Variants in CBX7 observed in about 807,000 individuals in gnomAD.
CBX7 encodes chromobox protein homolog 7.
CBX7 carries 14 observed loss-of-function variants against 31.4 expected under a neutral mutation model. The observed-to-expected ratio is 0.45, with a 90% confidence interval of 0.29 to 0.70. The LOEUF (loss-of-function observed/expected upper bound fraction) is 0.70, where lower values mean the gene tolerates loss of function less well. Among genes scored for constraint, CBX7 ranks in the 30% least tolerant of loss-of-function variants. The pLI, the probability that CBX7 is intolerant of heterozygous loss-of-function variation, is 0.11. For synonymous variants in CBX7, 159 were observed against 152.6 expected, an observed-to-expected ratio of 1.04 and a Z score of -0.31; for missense variants, 269 against 351.9, an observed-to-expected ratio of 0.76 and a Z score of 1.89.
At chr22:39,143,977 T>C (rs929137895) in intron 2 of CBX7, among the ~76,000 whole-genome samples, 8 of 152,260 alleles carry the variant, frequency 5.3e-5, no homozygotes, top group Non-Finnish European at 1.2e-4. Flanking sequence ...CGATGCCCTA[T>C]GGTCCTGGCC....
chr22:39,138,602 G>A lies in CBX7; in HGVS notation c.246+34C>T, dbSNP rs565836537. The A allele has an allele frequency of 2.5e-6, 4 of 1,608,432 alleles. No individual in the cohort carries two copies. The African/African-American group carries it at 5.3e-5, about 21-fold the overall frequency. ...CAGAGGGGGACTTGGGGTTGGGCAG[G>A]GGGAGAAAGGAGGCACAAAGGCAGG... On this transcript the variant is annotated intron_variant, in intron 4 of 5. Coordinates refer to ENST00000216133, the MANE Select transcript of CBX7 (RefSeq NM_175709.5).
Position 39,152,409 on chromosome 22 carries a change from G to T in CBX7, c.36C>A (p.Ala12=). ...CGCGCTTCTTCCGGATGCTCTCCAC[G>T]GCGAACACCTGCTCGCCGATGGCTG... is the stretch of plus-strand genomic sequence containing the variant. ...ELSAIGEQVF[A]VESIRKKRVR... is the part of the protein sequence containing the mutation. The change falls in exon 1 of 6, where the codon GCC becomes GCA. Residue 12 remains alanine (A), a synonymous_variant. Transcript: ENST00000216133. The surrounding 1 kb of genome is among the most constrained non-coding windows in gnomAD (Gnocchi z 4.9). 1.5e-6 allele frequency: 2 copies of T among 1,359,882 alleles called. No individual in the cohort carries two copies. Among genetic ancestry groups the T allele is most frequent in the Non-Finnish European group, 1.9e-6 (2 of 1,048,044 alleles). 84.2% of individuals were successfully genotyped at this position (1,359,882 alleles called of 1,614,324 possible). A position where few individuals can be genotyped will look rare whatever the true frequency, so the allele number is the denominator to read the frequency against.
rs1468113378 is a variant in CBX7 at position 39,134,592 on chromosome 22, G to A, written c.407C>T (p.Pro136Leu). ...CTTTCGGGGCTTGCGGAGCGGGAAG[G>A]GCAGGGTGGGCACCAAGGGGCCCTT... Reference protein sequence around the residue: ...VDKGPLVPTLPFPLRKPRKAH... With the variant: ...VDKGPLVPTLLFPLRKPRKAH... Residue 136 changes from proline (P) to leucine (L), a missense_variant, in exon 5 of 6, where the codon CCC (proline) becomes CTC (leucine). Transcript: ENST00000216133. 1.3e-6 allele frequency: 2 copies of A among 1,592,698 alleles called. No individual in the cohort carries two copies. The highest frequency in any genetic ancestry group is 1.7e-6 in the Non-Finnish European group (2 of 1,170,078).
chr22:39,138,593 G>C (rs747751034), intron 4 of CBX7, 43 bp downstream of exon 4: 127 of 1,594,040 alleles, frequency 8.0e-5, no homozygotes, highest in Middle Eastern at 3.3e-4. Context: ...GGGACTTGGG[G>C]TTGGGCAGGG....
In CBX7 at chr22:39,152,479, C is replaced by T. The variant is rs1930898065; in HGVS notation, c.-35G>A. ...CGGGCGAGCGGGCCCGGGGCCGGGC[C>T]GGGCCGGGGGCGGAGCTGCGGGGCC... On this transcript the variant is annotated 5_prime_UTR_variant, in exon 1 of 6. Coordinates refer to ENST00000216133, the MANE Select transcript of CBX7 (RefSeq NM_175709.5). The surrounding 1 kb of genome is among the most constrained non-coding windows in gnomAD (Gnocchi z 4.9). 2.0e-6 allele frequency: 2 copies of T among 1,003,346 alleles called. No individual in the cohort carries two copies. The highest frequency in any genetic ancestry group is 2.4e-6 in the Non-Finnish European group (2 of 831,260). 62.2% of individuals were successfully genotyped at this position (1,003,346 alleles called of 1,614,324 possible). A position where few individuals can be genotyped will look rare whatever the true frequency, so the allele number is the denominator to read the frequency against.
At chr22:39,151,957 C>T (rs6001455) in intron 1 of CBX7, among the ~76,000 whole-genome samples, 66,738 of 150,684 alleles carry the variant, frequency 0.44, 15,244 homozygotes, top group African/African-American at 0.53. Context: ...GAGACTTTTC[C>T]AAAGCTCCAC....
At chr22:39,138,494 G>C (rs1930335648) in intron 4 of CBX7, 142 bp downstream of exon 4, 5 of 773,030 alleles carry the variant, frequency 6.5e-6, no homozygotes, top group Admixed American at 5.9e-5. Flanking sequence ...ACTTACCCAA[G>C]TGCCCCACCC....
rs188722310 is a variant in CBX7 at position 39,144,643 on chromosome 22, C to G, written c.114-3207G>C. ...CCCCCCGGAAAAGGCTGAATCTCCTCACTCTAACTGGTAGGAAGGGGAATT... is the reference window on the plus strand; with the variant it reads ...CCCCCCGGAAAAGGCTGAATCTCCTGACTCTAACTGGTAGGAAGGGGAATT... On this transcript the variant is annotated intron_variant, in intron 2 of 5. Coordinates refer to ENST00000216133, the MANE Select transcript of CBX7 (RefSeq NM_175709.5). 7.5e-4 allele frequency among the ~76,000 whole-genome samples: 114 copies of G among 152,318 alleles called. 1 individual carries two copies. Among genetic ancestry groups the G allele is most frequent in the South Asian group, 2.7e-3 (13 of 4,800 alleles).
intron 1 of CBX7, among the ~76,000 whole-genome samples, chr22:39,150,311 G>A (rs1315097242): frequency 6.6e-6 from 1 of 152,200 alleles, no homozygotes; most frequent in Non-Finnish European, 1.5e-5. Flanking sequence ...CAGTCTGTGA[G>A]TGGCTGCCTC....
Position 39,134,650 on chromosome 22 carries a change from C to T in CBX7, c.349G>A (p.Val117Met), listed in dbSNP as rs771394229. The T allele has an allele frequency of 8.2e-6, 13 of 1,588,786 alleles. No individual in the cohort carries two copies. The highest frequency in any genetic ancestry group is 2.3e-5 in the East Asian group (1 of 43,624). Reference sequence around the variant, plus strand: ...AGCTCAGGTGCCCCCGCCTTGACCACCCCCTCAGGGCTCCCGCTGCCGAGT... The same window carrying T: ...AGCTCAGGTGCCCCCGCCTTGACCATCCCCTCAGGGCTCCCGCTGCCGAGT... ...CPLGSGSPEG[V>M]VKAGAPELVD... The change falls in exon 5 of 6, where the codon GTG becomes ATG. Residue 117 changes from valine to methionine, a missense_variant. By Grantham distance (21) the Val-to-Met change is conservative. Around this residue, in one of 2 missense-constraint regions of CBX7, gnomAD observed 222 missense variants for 240.4 expected, o/e 0.92. Transcript: ENST00000216133.
At chr22:39,146,536 G>C (rs1245292516) in intron 2 of CBX7, among the ~76,000 whole-genome samples, 1 of 152,224 alleles carries the variant, frequency 6.6e-6, no homozygotes, top group East Asian at 1.9e-4. Flanking sequence ...CACTGAACTG[G>C]CCAAAAGGCC....
At chr22:39,150,026 G>A (rs1458156308) in intron 1 of CBX7, among the ~76,000 whole-genome samples, 194 bp from the exon 2 acceptor site, 3 of 152,062 alleles carry the variant, frequency 2.0e-5, no homozygotes, top group South Asian at 2.1e-4. Context: ...CTGCATGCCC[G>A]CCCCATACTG....
At chr22:39,143,326 C>G (rs1930526278) in intron 2 of CBX7, among the ~76,000 whole-genome samples, 1 of 151,106 alleles carries the variant, frequency 6.6e-6, no homozygotes, top group South Asian at 2.1e-4. Flanking sequence ...ATAAATTAAA[C>G]TTTTTTAAAT....
At chr22:39,148,597 T>G (rs1930742691) in intron 2 of CBX7, 1 of 152,226 alleles carries the variant, frequency 6.6e-6, no homozygotes, top group Non-Finnish European at 1.5e-5. Flanking sequence ...GGAGGGATTC[T>G]CCTTCAGCCC....
intron 2 of CBX7, chr22:39,148,433 G>A (rs1930736102): frequency 6.6e-6 from 1 of 152,296 alleles, no homozygotes; most frequent in Non-Finnish European, 1.5e-5. Context: ...CTAACAGCTG[G>A]TGGCCACAGC....
At chr22:39,144,012 AG>A (rs1288171294) in intron 2 of CBX7, among the ~76,000 whole-genome samples, 1 of 152,252 alleles carries the variant, frequency 6.6e-6, no homozygotes, top group Non-Finnish European at 1.5e-5. Context: ...GTAAGACGGA[AG>A]GCAATGGGCG....
intron 4 of CBX7, among the ~76,000 whole-genome samples, chr22:39,137,890 T>C (rs1476351310): frequency 6.6e-6 from 1 of 152,106 alleles, no homozygotes; most frequent in African/African-American, 2.4e-5. Flanking sequence ...AATTCTAAGA[T>C]TCTGTTTCTG....
chr22:39,147,905 ATCTAACTTAATC>A (rs1200798340), intron 2 of CBX7: 1 of 152,238 alleles, frequency 6.6e-6, no homozygotes, highest in East Asian at 1.9e-4. Flanking sequence ...TAGGCTATCT[ATCTAACTTAATC>A]TTAAAACCAA....
chr22:39,137,047 T>C (rs1930278829), intron 4 of CBX7, among the ~76,000 whole-genome samples: 1 of 152,182 alleles, frequency 6.6e-6, no homozygotes, highest in Non-Finnish European at 1.5e-5. Context: ...GCCTGGTGGG[T>C]CTTATTACAT....
Sources: allele counts gnomAD v4.1 joint callset (sites outside exome capture counted in the v4.1 genomes callset), GRCh38; gene constraint gnomAD v4.1.1; regional missense constraint gnomAD v4.1.1; non-coding constraint Gnocchi (gnomAD v3.1); transcripts MANE v1.5; gene names NCBI Gene and HGNC (gene_info 2026-07-23, HGNC 2026-07-21).